Variants in F2RL1 observed in about 807,000 individuals in gnomAD.
F2RL1 encodes the protein proteinase-activated receptor 2.
A neutral mutation model predicts 21.7 loss-of-function variants in F2RL1; 16 were observed. The observed-to-expected ratio is 0.74, with a 90% CI of 0.50 to 1.12. The LOEUF is 1.12. F2RL1 is among the 50% of genes most tolerant of loss of function. The pLI is 0.00. For synonymous variants in F2RL1, 181 were observed against 186.7 expected, an observed-to-expected ratio of 0.97 and a Z score of 0.25; for missense variants, 432 against 477.8, an observed-to-expected ratio of 0.90 and a Z score of 0.89.
chr5:76,822,384 A>AT (rs1353720144), intron 1 of F2RL1, among the ~76,000 whole-genome samples: 3 of 152,158 alleles, frequency 2.0e-5, no homozygotes, highest in East Asian at 3.9e-4. Flanking sequence ...CATCCAACTA[A>AT]TTTTTGTGTT....
intron 1 of F2RL1, among the ~76,000 whole-genome samples, chr5:76,820,438 C>T (rs1429750669): frequency 3.3e-5 from 5 of 151,866 alleles, no homozygotes; most frequent in African/African-American, 9.7e-5. Context: ...GATTCTTTTC[C>T]CTCTGCAGTT....
chr5:76,833,687 T>C lies in F2RL1; in HGVS notation c.1080T>C (p.Leu360=), dbSNP rs781049628. The C allele has an allele frequency of 1.1e-5, 17 of 1,613,900 alleles. 1 individual carries two copies. The South Asian group carries it at 1.8e-4, about 17-fold the overall frequency. The change falls in exon 2 of 2, where the codon CTT becomes CTC. Residue 360 remains leucine (L), a synonymous_variant. Coordinates refer to ENST00000296677, the MANE Select transcript of F2RL1 (RefSeq NM_005242.6). ...DFRDHAKNAL[L]CRSVRTVKQM... is the part of the protein sequence containing the mutation. ...GGGATCATGCAAAGAACGCTCTCCT[T>C]TGCCGAAGTGTCCGCACTGTAAAGC...
At chr5:76,829,806 AT>A (rs1750318619) in intron 1 of F2RL1, among the ~76,000 whole-genome samples, 1 of 152,206 alleles carries the variant, frequency 6.6e-6, no homozygotes, top group Non-Finnish European at 1.5e-5. Context: ...CACCATGGAT[AT>A]GTGTATTGGG....
rs1750397675 is a variant in F2RL1 at position 76,833,587 on chromosome 5, T to C, written c.980T>C (p.Ile327Thr). The change falls in exon 2 of 2, where the codon ATT becomes ACT. Residue 327 changes from isoleucine to threonine, a missense_variant. Ile to Thr is a moderately conservative substitution (Grantham distance 89). Transcript: ENST00000296677. ...CAGAGCCATGTCTATGCCCTGTACA[T>C]TGTAGCCCTCTGCCTCTCTACCCTT... The part of the protein sequence containing the change: ...QGQSHVYALY[I>T]VALCLSTLNS... 6.2e-7 allele frequency: 1 copy of C among 1,613,904 alleles called. No homozygotes were observed. Among genetic ancestry groups the C allele is most frequent in the Non-Finnish European group, 8.5e-7 (1 of 1,179,984 alleles).
intron 1 of F2RL1, among the ~76,000 whole-genome samples, chr5:76,823,314 C>G (rs1326024821): frequency 6.7e-6 from 1 of 149,142 alleles, no homozygotes; most frequent in Non-Finnish European, 1.5e-5. Flanking sequence ...ATCTCTCATT[C>G]TTTCTGGTCT....
intron 1 of F2RL1, among the ~76,000 whole-genome samples, chr5:76,824,884 G>A (rs1046149907): frequency 6.6e-6 from 1 of 151,902 alleles, no homozygotes; most frequent in African/African-American, 2.4e-5. Flanking sequence ...AATATAGAGA[G>A]GTGTAAAATA....
chr5:76,824,645 T>G (rs1390180597), intron 1 of F2RL1, among the ~76,000 whole-genome samples: 1 of 152,138 alleles, frequency 6.6e-6, no homozygotes, highest in Non-Finnish European at 1.5e-5. Flanking sequence ...CTCCCCTTTT[T>G]GATAGATGTT....
intron 1 of F2RL1, among the ~76,000 whole-genome samples, chr5:76,823,813 CTTTT>C (rs5868840): frequency 7.9e-6 from 1 of 127,232 alleles, no homozygotes. Context: ...TCTGTACAAA[CTTTT>C]TTTTTTTTTT....
In F2RL1 at chr5:76,833,624, C is replaced by G; in HGVS notation, c.1017C>G (p.Ile339Met). ...ALCLSTLNSC[I>M]DPFVYYFVSH... ...GCCTCTCTACCCTTAACAGCTGCAT[C>G]GACCCCTTTGTCTATTACTTTGTTT... The change falls in exon 2 of 2, where the codon ATC becomes ATG. Residue 339 changes from isoleucine to methionine, a missense_variant. Coordinates refer to ENST00000296677, the MANE Select transcript of F2RL1 (RefSeq NM_005242.6). 6.2e-7 allele frequency: 1 copy of G among 1,613,928 alleles called. No individual in the cohort carries two copies. The highest frequency in any genetic ancestry group is 8.5e-7 in the Non-Finnish European group (1 of 1,180,004).
chr5:76,829,334 C>G (rs1750306885), intron 1 of F2RL1, among the ~76,000 whole-genome samples: 1 of 150,966 alleles, frequency 6.6e-6, no homozygotes, highest in East Asian at 2.0e-4. Flanking sequence ...TGGTCTCAAT[C>G]AATCCTCCTG....
Position 76,833,098 on chromosome 5 carries a change from T to C in F2RL1, c.491T>C (p.Leu164Pro). 6.2e-7 allele frequency: 1 copy of C among 1,614,260 alleles called. No homozygotes were observed. Residue 164 changes from leucine (L) to proline (P), a missense_variant, in exon 2 of 2, where the codon CTC (leucine) becomes CCC (proline). Leu to Pro is a moderately conservative substitution (Grantham distance 98, BLOSUM62 -3). Transcript: ENST00000296677. ...FFYGNMYCSI[L>P]FMTCLSVQRY... is the part of the protein sequence containing the mutation. ...TATGGCAACATGTACTGTTCCATTC[T>C]CTTCATGACCTGCCTCAGTGTGCAG...
chr5:76,819,260 C>A lies in F2RL1; in HGVS notation c.78C>A (p.Ile26=). The A allele has an allele frequency of 1.3e-6, 2 of 1,590,080 alleles. No homozygotes were observed. The highest frequency in any genetic ancestry group is 1.7e-5 in the Admixed American group (1 of 58,122). The change falls in exon 1 of 2, where the codon ATC becomes ATA. Residue 26 remains isoleucine (I), a synonymous_variant. Transcript: ENST00000296677. ...LAASLSCSGT[I]QGTSRSSKGR... is the part of the protein sequence containing the mutation. ...CCTCTCTCTCCTGCAGTGGCACCATCCAAGGTGAGAAACCTGGCCAAGGAG... is the reference window on the plus strand; with the variant it reads ...CCTCTCTCTCCTGCAGTGGCACCATACAAGGTGAGAAACCTGGCCAAGGAG...
intron 1 of F2RL1, among the ~76,000 whole-genome samples, chr5:76,824,929 T>C (rs1161139372): frequency 6.6e-6 from 1 of 151,960 alleles, no homozygotes; most frequent in Non-Finnish European, 1.5e-5. Flanking sequence ...GCTATTCTAC[T>C]CCACAGAGCC....
chr5:76,827,217 C>T (rs959672623), intron 1 of F2RL1, among the ~76,000 whole-genome samples: 13 of 150,294 alleles, frequency 8.6e-5, no homozygotes, highest in Non-Finnish European at 1.6e-4. Flanking sequence ...CGTGGTGGCT[C>T]ACGCCTGTAA....
chr5:76,824,372 C>G (rs1750201953), intron 1 of F2RL1, among the ~76,000 whole-genome samples: 1 of 151,484 alleles, frequency 6.6e-6, no homozygotes, highest in South Asian at 2.1e-4. Context: ...TGCTCTGTCA[C>G]CCAGGCTGGA....
At chr5:76,831,612 C>T (rs1050542350) in intron 1 of F2RL1, among the ~76,000 whole-genome samples, 4 of 150,500 alleles carry the variant, frequency 2.7e-5, no homozygotes, top group Non-Finnish European at 5.9e-5. Context: ...TGGATCACTG[C>T]AACCTCCACT....
Position 76,833,106 on chromosome 5 carries a change from A to AC in F2RL1, c.501dup (p.Cys168LeufsTer61). ...CATGTACTGTTCCATTCTCTTCATG[A>AC]CCTGCCTCAGTGTGCAGAGGTATTG... On this transcript the variant is annotated frameshift_variant, in exon 2 of 2. Coordinates refer to ENST00000296677, the MANE Select transcript of F2RL1 (RefSeq NM_005242.6). LOFTEE classifies it high-confidence loss of function. 6.2e-7 allele frequency: 1 copy of AC among 1,614,170 alleles called. No homozygotes were observed.
At chr5:76,826,803 A>ATTTT (rs1363310939) in intron 1 of F2RL1, among the ~76,000 whole-genome samples, 5 of 151,954 alleles carry the variant, frequency 3.3e-5, no homozygotes, top group Admixed American at 3.3e-4. Context: ...ATAATATTCC[A>ATTTT]TTGTATGGAT....
Position 76,832,671 on chromosome 5 carries a change from G to C in F2RL1, c.83-19G>C. On this transcript the variant is annotated intron_variant, in intron 1 of 1. Transcript: ENST00000296677. ...AACATTTATTTCTGTAATGACCCTT[G>C]TCTTCCTTTCTTGTACAGGAACCAG... 1 of 1,569,076 alleles carries C rather than the reference G, an allele frequency of 6.4e-7. No individual in the cohort carries two copies. Among genetic ancestry groups the C allele is most frequent in the Non-Finnish European group, 8.6e-7 (1 of 1,157,016 alleles).
Sources: gnomAD v4.1 joint callset for allele counts (sites outside exome capture counted in the v4.1 genomes callset) on GRCh38, gnomAD v4.1.1 for gene constraint, MANE v1.5 for transcripts, NCBI Gene and HGNC (gene_info 2026-07-23, HGNC 2026-07-21) for gene names.